The following NDUFS4 variants were observed in gnomAD, a reference collection of about 807,000 sequenced individuals.
NDUFS4 encodes the protein NADH:ubiquinone oxidoreductase subunit S4, also known as NADH dehydrogenase [ubiquinone] iron-sulfur protein 4, mitochondrial.
NDUFS4 carries 28 observed loss-of-function variants against 24.3 expected under a neutral mutation model. That is an observed-to-expected ratio of 1.15 (90% CI 0.85 to 1.58). The LOEUF (loss-of-function observed/expected upper bound fraction) is 1.58, where lower values mean the gene tolerates loss of function less well. Ranked by LOEUF, NDUFS4 falls within the 40% of genes most tolerant of loss-of-function variation. The pLI, the probability that NDUFS4 is intolerant of heterozygous loss-of-function variation, is 0.00. For synonymous variants in NDUFS4, 93 were observed against 69.7 expected, an observed-to-expected ratio of 1.34 and a Z score of -1.67; for missense variants, 223 against 207.9, an observed-to-expected ratio of 1.07 and a Z score of -0.45.
intron 1 of NDUFS4, among the ~76,000 whole-genome samples, chr5:53,582,620 T>C (rs868240007): frequency 1.3e-5 from 2 of 152,208 alleles, no homozygotes; most frequent in Non-Finnish European, 2.9e-5. Flanking sequence ...CATCAACATA[T>C]AACAAAATGA....
intron 3 of NDUFS4, among the ~76,000 whole-genome samples, chr5:53,647,592 A>G (rs1751905699): frequency 6.6e-6 from 1 of 152,298 alleles, no homozygotes; most frequent in South Asian, 2.1e-4. Flanking sequence ...ATTCTCCATA[A>G]TGGAATAGGG....
At chr5:53,601,226 A>G (rs901109132) in intron 1 of NDUFS4, among the ~76,000 whole-genome samples, 1 of 151,900 alleles carries the variant, frequency 6.6e-6, no homozygotes, top group Non-Finnish European at 1.5e-5. Context: ...GATGGTATCC[A>G]TCTCCTGACC....
In NDUFS4 at chr5:53,640,026, G is replaced by T. The variant is rs73754275; in HGVS notation, c.178-6207G>T. 6.1e-3 allele frequency among the ~76,000 whole-genome samples: 922 copies of T among 151,968 alleles called. 11 individuals are homozygous for T. The highest frequency in any genetic ancestry group is 0.021 in the African/African-American group (884 of 41,488). On this transcript the variant is annotated intron_variant, in intron 2 of 4. Transcript: ENST00000296684. ...GTGACTGAGGAAACATCTAGCAGTT[G>T]TCTTACCCCAGAGTCCATCTAAGTG...
chr5:53,649,786 A>G (rs1751966023), intron 3 of NDUFS4, among the ~76,000 whole-genome samples: 1 of 152,164 alleles, frequency 6.6e-6, no homozygotes. Flanking sequence ...ATTGCTTTAC[A>G]TTCCCACCAT....
intron 1 of NDUFS4, among the ~76,000 whole-genome samples, chr5:53,568,474 T>G (rs1317251003): frequency 6.6e-6 from 1 of 152,128 alleles, no homozygotes; most frequent in African/African-American, 2.4e-5. Context: ...GAAACAAAAA[T>G]TCTTCCATTT....
chr5:53,656,961 G>A (rs779576271), intron 3 of NDUFS4, among the ~76,000 whole-genome samples: 7 of 152,318 alleles, frequency 4.6e-5, no homozygotes, highest in Admixed American at 1.3e-4. Flanking sequence ...TGGAAGAATA[G>A]TGGCTTCTTC....
At chr5:53,582,810 A>G (rs1749616486) in intron 1 of NDUFS4, among the ~76,000 whole-genome samples, 1 of 152,232 alleles carries the variant, frequency 6.6e-6, no homozygotes, top group Non-Finnish European at 1.5e-5. Context: ...TACTTCATAT[A>G]ATAGATACTT....
intron 1 of NDUFS4, among the ~76,000 whole-genome samples, chr5:53,598,487 A>G (rs984458534): frequency 3.3e-5 from 5 of 152,224 alleles, no homozygotes; most frequent in Non-Finnish European, 7.3e-5. Context: ...TCCACTTACT[A>G]GAATCAAATA....
At chr5:53,640,446 G>A (rs970581238) in intron 2 of NDUFS4, among the ~76,000 whole-genome samples, 7 of 152,054 alleles carry the variant, frequency 4.6e-5, no homozygotes, top group Non-Finnish European at 8.8e-5. Context: ...TGGTTCTGTA[G>A]GCTGTGCAAG....
chr5:53,586,506 TAG>T (rs1749759377), intron 1 of NDUFS4, among the ~76,000 whole-genome samples: 2 of 141,244 alleles, frequency 1.4e-5, no homozygotes, highest in East Asian at 2.5e-4. Context: ...TTTAGTTAGT[TAG>T]TTAGTTTGTT....
intron 1 of NDUFS4, among the ~76,000 whole-genome samples, chr5:53,589,091 C>T (rs1392697534): frequency 6.6e-6 from 1 of 152,022 alleles, no homozygotes; most frequent in Non-Finnish European, 1.5e-5. Flanking sequence ...CCTTCAAAAG[C>T]GTAAGAAAAT....
intron 4 of NDUFS4, among the ~76,000 whole-genome samples, chr5:53,679,337 CTGTG>C (rs144096406): frequency 0.092 from 13,935 of 152,084 alleles, 756 homozygotes; most frequent in Non-Finnish European, 0.13. Context: ...TGCTTCTTCT[CTGTG>C]TATTTTTGTT....
chr5:53,630,734 T>G (rs1018988479), intron 2 of NDUFS4, among the ~76,000 whole-genome samples: 2 of 152,172 alleles, frequency 1.3e-5, no homozygotes, highest in South Asian at 4.1e-4. Context: ...CTCTATCAGG[T>G]CATGTAGGTT....
chr5:53,644,926 C>G (rs1162587727), intron 2 of NDUFS4, among the ~76,000 whole-genome samples: 2 of 152,044 alleles, frequency 1.3e-5, no homozygotes, highest in Non-Finnish European at 2.9e-5. Flanking sequence ...ATAGTCAAGT[C>G]AGAAATGTGT....
intron 3 of NDUFS4, among the ~76,000 whole-genome samples, chr5:53,657,124 T>C (rs537741620): frequency 6.6e-6 from 1 of 152,342 alleles, no homozygotes; most frequent in South Asian, 2.1e-4. Flanking sequence ...GCTTCTGTCT[T>C]GTTTCTTATT....
At chr5:53,610,254 C>T (rs1750653790) in intron 2 of NDUFS4, among the ~76,000 whole-genome samples, 1 of 152,008 alleles carries the variant, frequency 6.6e-6, no homozygotes. Flanking sequence ...AATAGAGAGG[C>T]CCAAGGAAAG....
chr5:53,674,440 A>G (rs1241764557), intron 4 of NDUFS4, among the ~76,000 whole-genome samples: 7 of 152,114 alleles, frequency 4.6e-5, no homozygotes, highest in Admixed American at 4.6e-4. Context: ...TGTTTCTTCA[A>G]ATGCCAAGGT....
chr5:53,681,551 G>T (rs940930782), intron 4 of NDUFS4, among the ~76,000 whole-genome samples: 14 of 152,230 alleles, frequency 9.2e-5, no homozygotes, highest in Admixed American at 6.5e-4. Context: ...TACTTTGTAA[G>T]TCCACATTCT....
At chr5:53,638,663 A>G (rs1289777084) in intron 2 of NDUFS4, among the ~76,000 whole-genome samples, 3 of 152,128 alleles carry the variant, frequency 2.0e-5, no homozygotes, top group Non-Finnish European at 4.4e-5. Context: ...GAGTTTACCT[A>G]TATAACAAAC....
Sources: gnomAD v4.1 joint callset for allele counts (sites outside exome capture counted in the v4.1 genomes callset) on GRCh38, gnomAD v4.1.1 for gene constraint, MANE v1.5 for transcripts, NCBI Gene and HGNC (gene_info 2026-07-23, HGNC 2026-07-21) for gene names.